Variants in ZNF503 observed in about 807,000 individuals in gnomAD.
The protein encoded by ZNF503 is NocA-like zinc finger 2.
Under a neutral mutation model 34.4 loss-of-function variants are expected in ZNF503, and 15 were observed. The observed-to-expected ratio is 0.44, with a 90% CI of 0.29 to 0.67. ZNF503 has a LOEUF of 0.67. Among genes scored for constraint, ZNF503 ranks in the 30% least tolerant of loss-of-function variants. The probability of loss-of-function intolerance (pLI) is 0.13; values close to 1 mark genes in which losing one functional copy is unlikely to be tolerated. For missense variants in ZNF503, 1,007 were observed against 926.8 expected (o/e 1.09, Z -1.12); for synonymous variants, 580 against 456.8 (o/e 1.27, Z -3.44).
the ZNF503 span, among the ~76,000 whole-genome samples, chr10:75,376,898 A>T: frequency 1.3e-5 from 2 of 152,172 alleles, no homozygotes; most frequent in African/African-American, 4.8e-5. Flanking sequence ...GAACCGCCCC[A>T]TGATTCAATT....
At chr10:75,324,868 G>A in the ZNF503 span, among the ~76,000 whole-genome samples, 1 of 152,012 alleles carries the variant, frequency 6.6e-6, no homozygotes, top group Non-Finnish European at 1.5e-5. Context: ...TTTTGTCTCT[G>A]TAGATTCTTT....
the ZNF503 span, among the ~76,000 whole-genome samples, chr10:75,383,499 C>T: frequency 6.6e-6 from 1 of 152,184 alleles, no homozygotes; most frequent in Non-Finnish European, 1.5e-5. Context: ...TGACTGCAAT[C>T]TCTGCCCCTC....
chr10:75,401,227 G>A lies in ZNF503; in HGVS notation c.193C>T (p.Pro65Ser). ...GGCAGGCGGTTGGCCTGGCGCAGGG[G>A]GTCAGAGGGGGGCACGGCGTGCACA... is the stretch of plus-strand genomic sequence containing the variant. ...PFVHAVPPSD[P>S]LRQANRLPIK... is the part of the protein sequence containing the mutation. Residue 65 changes from proline to serine, a missense_variant, in exon 1 of 2, where the codon CCC becomes TCC. Coordinates refer to ENST00000372524, the MANE Select transcript of ZNF503 (RefSeq NM_032772.6). 2 of 1,608,420 alleles carry A rather than the reference G, an allele frequency of 1.2e-6. No homozygotes were observed. The highest frequency in any genetic ancestry group is 1.7e-6 in the Non-Finnish European group (2 of 1,177,092).
At chr10:75,356,360 G>A in the ZNF503 span, among the ~76,000 whole-genome samples, 4 of 152,252 alleles carry the variant, frequency 2.6e-5, no homozygotes, top group South Asian at 4.2e-4. Context: ...GGGACTACAC[G>A]CACCTGCCAC....
At chr10:75,324,572 C>T in the ZNF503 span, among the ~76,000 whole-genome samples, 1 of 152,270 alleles carries the variant, frequency 6.6e-6, no homozygotes, top group Non-Finnish European at 1.5e-5. Context: ...AGTGATTCTC[C>T]TACCTCCACC....
At chr10:75,312,996 A>G in the ZNF503 span, among the ~76,000 whole-genome samples, 9 of 152,312 alleles carry the variant, frequency 5.9e-5, no homozygotes, top group Non-Finnish European at 1.3e-4. Flanking sequence ...GCCTGACACC[A>G]TGTAAGATGT....
chr10:75,393,597 G>A (rs546786437), downstream of ZNF503, among the ~76,000 whole-genome samples: 25 of 152,256 alleles, frequency 1.6e-4, 1 homozygote, highest in African/African-American at 4.8e-4. Flanking sequence ...AGTGGCTCAC[G>A]CCTGTAATCC....
chr10:75,314,730 C>A, the ZNF503 span, among the ~76,000 whole-genome samples: 1 of 152,130 alleles, frequency 6.6e-6, no homozygotes, highest in Non-Finnish European at 1.5e-5. Flanking sequence ...TCAAGAGATA[C>A]CTGGCAGGCC....
chr10:75,394,234 T>C (rs1168363540), downstream of ZNF503, among the ~76,000 whole-genome samples: 2 of 152,264 alleles, frequency 1.3e-5, no homozygotes, highest in Admixed American at 1.3e-4. Context: ...GTACAGATTA[T>C]TTCATCATCC....
At chr10:75,280,696 C>A in the ZNF503 span, among the ~76,000 whole-genome samples, 1 of 152,130 alleles carries the variant, frequency 6.6e-6, no homozygotes, top group Non-Finnish European at 1.5e-5. Context: ...CCTCTGCCTT[C>A]ATGGTGCTTA....
At chr10:75,397,422 C>T (rs1428729725), downstream of ZNF503, among the ~76,000 whole-genome samples, 2 of 152,194 alleles carry the variant, frequency 1.3e-5, no homozygotes, top group African/African-American at 4.8e-5. Context: ...CCCGAGGCCC[C>T]GGCCCAGGCC....
chr10:75,373,711 CT>C, the ZNF503 span, among the ~76,000 whole-genome samples: 1 of 152,208 alleles, frequency 6.6e-6, no homozygotes, highest in African/African-American at 2.4e-5. Flanking sequence ...CCACAGGGTT[CT>C]CAAATGCAAA....
chr10:75,343,215 G>T, the ZNF503 span: 1 of 152,368 alleles, frequency 6.6e-6, no homozygotes, highest in African/African-American at 2.4e-5. Flanking sequence ...TCCTTTGTCT[G>T]TATCACAGCC....
chr10:75,303,018 G>A, the ZNF503 span, among the ~76,000 whole-genome samples: 3 of 152,186 alleles, frequency 2.0e-5, no homozygotes, highest in African/African-American at 7.2e-5. Context: ...CTTCGTCCTT[G>A]CTTTCTGGGG....
the ZNF503 span, among the ~76,000 whole-genome samples, chr10:75,322,725 C>T: frequency 6.6e-6 from 1 of 152,036 alleles, no homozygotes; most frequent in Non-Finnish European, 1.5e-5. Flanking sequence ...CCTGTAGTCT[C>T]ATCTACTCTG....
At chr10:75,383,931 C>T in the ZNF503 span, among the ~76,000 whole-genome samples, 2 of 152,238 alleles carry the variant, frequency 1.3e-5, no homozygotes, top group Non-Finnish European at 2.9e-5. Flanking sequence ...GACCCTTGCC[C>T]TGGCAGACAC....
At chr10:75,395,868 G>C (rs1035847424), downstream of ZNF503, among the ~76,000 whole-genome samples, 1 of 152,240 alleles carries the variant, frequency 6.6e-6, no homozygotes, top group African/African-American at 2.4e-5. This position sits in a 1 kb window ranked among gnomAD's most constrained non-coding sequence, Gnocchi z 4.4. Flanking sequence ...ATGAAGGCAC[G>C]AACGTCCCGG....
At chr10:75,301,617 A>G in the ZNF503 span, among the ~76,000 whole-genome samples, 1 of 151,282 alleles carries the variant, frequency 6.6e-6, no homozygotes, top group Non-Finnish European at 1.5e-5. Context: ...GAATAATCAT[A>G]TTTTTAGTTA....
At chr10:75,306,166 G>A in the ZNF503 span, among the ~76,000 whole-genome samples, 1 of 152,000 alleles carries the variant, frequency 6.6e-6, no homozygotes, top group Admixed American at 6.5e-5. Context: ...AGTGCACAAG[G>A]GTTTCAATTT....
Sources: allele counts gnomAD v4.1 joint callset (sites outside exome capture counted in the v4.1 genomes callset), GRCh38; gene constraint gnomAD v4.1.1; non-coding constraint Gnocchi (gnomAD v3.1); transcripts MANE v1.5; gene names NCBI Gene and HGNC (gene_info 2026-07-23, HGNC 2026-07-21).